The following PRELID2 variants were observed in gnomAD, a reference collection of about 807,000 sequenced individuals.
PRELID2 encodes the protein PRELI domain-containing protein 2.
Under a neutral mutation model 28.4 loss-of-function variants are expected in PRELID2, and 25 were observed. The ratio of observed to expected loss-of-function variants is 0.88; its 90% CI spans 0.64 to 1.23. PRELID2 has a LOEUF of 1.23. PRELID2 is among the 50% of genes most tolerant of loss of function. PRELID2 has a pLI of 0.00. For missense variants in PRELID2, 201 were observed against 214.4 expected, an observed-to-expected ratio of 0.94 and a Z score of 0.39; for synonymous variants, 76 against 71.6, an observed-to-expected ratio of 1.06 and a Z score of -0.31.
chr5:145,285,775 C>T, the PRELID2 span, among the ~76,000 whole-genome samples: 1 of 152,078 alleles, frequency 6.6e-6, no homozygotes. Flanking sequence ...TTACATCCAA[C>T]AAAGAGGTAG....
the PRELID2 span, among the ~76,000 whole-genome samples, chr5:145,379,248 G>A: frequency 1.2e-4 from 18 of 152,298 alleles, no homozygotes; most frequent in East Asian, 2.7e-3. Flanking sequence ...CACTCCAATG[G>A]GTGGTGTCAG....
At chr5:145,741,056 T>C (rs1234608769) in intron 1 of PRELID2, among the ~76,000 whole-genome samples, 3 of 117,310 alleles carry the variant, frequency 2.6e-5, no homozygotes, top group South Asian at 5.2e-4. Context: ...AAATAAAATA[T>C]GTATATTATA....
At chr5:145,461,409 T>C in the PRELID2 span, among the ~76,000 whole-genome samples, 34,643 of 151,990 alleles carry the variant, frequency 0.23, 4,238 homozygotes, top group South Asian at 0.35. Context: ...TTCACGCCAT[T>C]CTCCTGCCTC....
intron 1 of PRELID2, among the ~76,000 whole-genome samples, chr5:145,666,224 T>C (rs1032473087): frequency 2.0e-5 from 3 of 152,070 alleles, no homozygotes; most frequent in African/African-American, 7.2e-5. Context: ...TCTTTCCTAA[T>C]TGTTTCAATA....
At chr5:145,405,187 T>C in the PRELID2 span, among the ~76,000 whole-genome samples, 1 of 152,064 alleles carries the variant, frequency 6.6e-6, no homozygotes, top group South Asian at 2.1e-4. Context: ...AAACAAAATA[T>C]TCCCCAAAAA....
chr5:145,491,567 C>G (rs1262074532), intron 1 of PRELID2, among the ~76,000 whole-genome samples: 1 of 150,348 alleles, frequency 6.7e-6, no homozygotes, highest in Non-Finnish European at 1.5e-5. Flanking sequence ...AACATACACT[C>G]TCTTAGTGCT....
At chr5:145,774,999 G>A (rs187678408) in intron 5 of PRELID2, among the ~76,000 whole-genome samples, 19 of 152,274 alleles carry the variant, frequency 1.2e-4, no homozygotes, top group African/African-American at 4.6e-4. Flanking sequence ...CAGCACTTTG[G>A]GAGGCTGAGG....
At chr5:145,579,019 A>C (rs1327424698) in intron 1 of PRELID2, among the ~76,000 whole-genome samples, 1 of 151,904 alleles carries the variant, frequency 6.6e-6, no homozygotes, top group African/African-American at 2.4e-5. Context: ...CTGTCCTGAT[A>C]CTCATCAGTT....
At chr5:145,431,296 G>A in the PRELID2 span, among the ~76,000 whole-genome samples, 1 of 151,914 alleles carries the variant, frequency 6.6e-6, no homozygotes, top group Non-Finnish European at 1.5e-5. Flanking sequence ...TAGACAATTT[G>A]AATATCAAAA....
intron 4 of PRELID2, among the ~76,000 whole-genome samples, chr5:145,814,634 G>T (rs1487715488): frequency 3.3e-5 from 5 of 152,072 alleles, no homozygotes. Flanking sequence ...GTTTATAGTT[G>T]TTTGGGCTTG....
At chr5:145,533,008 T>C (rs555986872) in intron 1 of PRELID2, among the ~76,000 whole-genome samples, 2 of 152,230 alleles carry the variant, frequency 1.3e-5, no homozygotes, top group South Asian at 2.1e-4. Context: ...CATATGGTAA[T>C]TCTATATTTA....
the PRELID2 span, among the ~76,000 whole-genome samples, chr5:145,267,782 C>T: frequency 1.1e-4 from 17 of 152,246 alleles, no homozygotes; most frequent in South Asian, 3.1e-3. Flanking sequence ...TAACAGTGTA[C>T]AAAGGTTGCT....
intron 1 of PRELID2, among the ~76,000 whole-genome samples, chr5:145,719,665 AC>A (rs1755935687): frequency 6.6e-6 from 1 of 152,058 alleles, no homozygotes; most frequent in Admixed American, 6.6e-5. Context: ...CCAACCTGAT[AC>A]ACAAAATAAA....
the PRELID2 span, among the ~76,000 whole-genome samples, chr5:145,370,198 G>A: frequency 1.3e-5 from 2 of 152,132 alleles, no homozygotes; most frequent in Non-Finnish European, 1.5e-5. Flanking sequence ...CTTTGCGCAT[G>A]CCTATGTCCT....
intron 1 of PRELID2, among the ~76,000 whole-genome samples, chr5:145,695,338 G>A (rs1334364654): frequency 6.6e-6 from 1 of 152,216 alleles, no homozygotes; most frequent in African/African-American, 2.4e-5. Context: ...GCAGAAAAGA[G>A]CTTGGTGCAT....
chr5:145,740,647 AT>A (rs1251977601), intron 1 of PRELID2, among the ~76,000 whole-genome samples: 22 of 109,102 alleles, frequency 2.0e-4, no homozygotes, highest in South Asian at 1.6e-3. Context: ...AAATATATAT[AT>A]TTTATATATA....
chr5:145,829,291 G>A (rs1755429016), intron 1 of PRELID2, among the ~76,000 whole-genome samples: 1 of 152,110 alleles, frequency 6.6e-6, no homozygotes, highest in Non-Finnish European at 1.5e-5. Flanking sequence ...ATGGCATTTA[G>A]AAAATATTCC....
chr5:145,256,099 C>A, the PRELID2 span, among the ~76,000 whole-genome samples: 1 of 151,786 alleles, frequency 6.6e-6, no homozygotes, highest in African/African-American at 2.4e-5. Context: ...GGGCTAAAAT[C>A]AAGGTGTCAC....
intron 1 of PRELID2, among the ~76,000 whole-genome samples, chr5:145,499,944 C>G (rs1353939328): frequency 6.6e-6 from 1 of 152,226 alleles, no homozygotes; most frequent in Non-Finnish European, 1.5e-5. Context: ...AAACCCCACA[C>G]TTGGCTTTAA....
Sources: gnomAD v4.1 joint callset for allele counts (sites outside exome capture counted in the v4.1 genomes callset) on GRCh38, gnomAD v4.1.1 for gene constraint, MANE v1.5 for transcripts, NCBI Gene and HGNC (gene_info 2026-07-23, HGNC 2026-07-21) for gene names.